TAFA1: variants seen among roughly 807,000 people sequenced by gnomAD.
The protein encoded by TAFA1 is chemokine-like protein TAFA-1.
A neutral mutation model predicts 18.5 loss-of-function variants in TAFA1; 4 were observed. The ratio of observed to expected loss-of-function variants is 0.22; its 90% CI spans 0.11 to 0.49. The LOEUF (loss-of-function observed/expected upper bound fraction) is 0.49, where lower values mean the gene tolerates loss of function less well. Among genes scored for constraint, TAFA1 ranks in the 20% least tolerant of loss-of-function variants. The pLI is 0.98. For synonymous variants in TAFA1, 56 were observed against 55.2 expected (o/e 1.01, Z -0.06); for missense variants, 147 against 169.0 (o/e 0.87, Z 0.72).
intron 2 of TAFA1, among the ~76,000 whole-genome samples, chr3:68,159,770 C>T (rs536589254): frequency 6.6e-6 from 1 of 152,206 alleles, no homozygotes; most frequent in Non-Finnish European, 1.5e-5. Flanking sequence ...CTATTTATGC[C>T]CACGAAGACA....
Position 68,150,386 on chromosome 3 carries a change from C to T in TAFA1, c.118+143642C>T, listed in dbSNP as rs538800678. On this transcript the variant is annotated intron_variant, in intron 2 of 4. Coordinates refer to ENST00000478136, the MANE Select transcript of TAFA1 (RefSeq NM_213609.4). ...TTGAAGAACATGCTCAAATTCCCACCTCAGCCATTGACTTAAATCATTGTT... is the reference window on the plus strand; with the variant it reads ...TTGAAGAACATGCTCAAATTCCCACTTCAGCCATTGACTTAAATCATTGTT... Among the ~76,000 whole-genome samples, 4 of 152,318 alleles carry T rather than the reference C, an allele frequency of 2.6e-5. 1 individual carries two copies. The highest frequency in any genetic ancestry group is 9.6e-5 in the African/African-American group (4 of 41,572).
intron 2 of TAFA1, among the ~76,000 whole-genome samples, chr3:68,097,747 GCAC>G (rs2065102293): frequency 6.6e-6 from 1 of 152,074 alleles, no homozygotes; most frequent in Non-Finnish European, 1.5e-5. Context: ...ATGAGTGTAT[GCAC>G]AATAAAATAG....
chr3:68,531,044 CA>C (rs2073181773), intron 3 of TAFA1, among the ~76,000 whole-genome samples: 1 of 151,752 alleles, frequency 6.6e-6, no homozygotes, highest in Non-Finnish European at 1.5e-5. Flanking sequence ...CAAAACAAAA[CA>C]AAACAAAACA....
rs114413316 is a variant in TAFA1, at chr3:68,219,716, A to G, written c.119-197564A>G. ...ATAATCTTGCTTTTCATTAACTCAA[A>G]GTCAACTGATTAGTAACCTAATCAA... On this transcript the variant is annotated intron_variant, in intron 2 of 4. Transcript: ENST00000478136. Among the ~76,000 whole-genome samples the G allele has an allele frequency of 6.5e-3, 990 of 152,236 alleles. 9 individuals are homozygous for G. Among genetic ancestry groups the G allele is most frequent in the Non-Finnish European group, 7.7e-3 (526 of 68,002 alleles).
intron 2 of TAFA1, among the ~76,000 whole-genome samples, chr3:68,412,430 G>T (rs1009207444): frequency 1.3e-5 from 2 of 151,876 alleles, no homozygotes; most frequent in African/African-American, 2.4e-5. Flanking sequence ...ACAACGTGCA[G>T]GTTTGTTACA....
chr3:68,390,449 C>T (rs887204157), intron 2 of TAFA1, among the ~76,000 whole-genome samples: 2 of 152,208 alleles, frequency 1.3e-5, no homozygotes, highest in African/African-American at 4.8e-5. Flanking sequence ...TTAAACATTC[C>T]TGCCTGCCAG....
intron 3 of TAFA1, among the ~76,000 whole-genome samples, chr3:68,468,646 G>C (rs1270988505): frequency 1.3e-5 from 2 of 152,132 alleles, no homozygotes; most frequent in Non-Finnish European, 2.9e-5. Flanking sequence ...TGAAATGATT[G>C]GACAGAATGA....
At chr3:68,021,437 T>G (rs1478170979) in intron 2 of TAFA1, among the ~76,000 whole-genome samples, 1 of 152,184 alleles carries the variant, frequency 6.6e-6, no homozygotes, top group South Asian at 2.1e-4. Context: ...GGATGTTTTT[T>G]TCTTTTCAAT....
At chr3:68,287,316 A>G (rs181073188) in intron 2 of TAFA1, among the ~76,000 whole-genome samples, 16 of 152,282 alleles carry the variant, frequency 1.1e-4, no homozygotes, top group Admixed American at 5.9e-4. Context: ...CCCTTCGTTC[A>G]TCTCCTGCTG....
chr3:68,148,129 T>A (rs949970231), intron 2 of TAFA1, among the ~76,000 whole-genome samples: 1 of 152,210 alleles, frequency 6.6e-6, no homozygotes, highest in Non-Finnish European at 1.5e-5. Context: ...TTTGTCTAAT[T>A]AATAGCCACA....
intron 3 of TAFA1, among the ~76,000 whole-genome samples, chr3:68,421,525 T>C (rs1040796276): frequency 2.6e-5 from 4 of 152,150 alleles, no homozygotes; most frequent in African/African-American, 2.4e-5. Context: ...CTGGATGGAA[T>C]CGCAGCTGTA....
intron 4 of TAFA1, among the ~76,000 whole-genome samples, chr3:68,543,907 C>T (rs185811558): frequency 4.6e-5 from 7 of 152,192 alleles, no homozygotes; most frequent in African/African-American, 1.2e-4. Flanking sequence ...AACAGTTTCT[C>T]ATCGCTGTGT....
intron 2 of TAFA1, among the ~76,000 whole-genome samples, chr3:68,154,871 T>C (rs1233816889): frequency 6.6e-6 from 1 of 152,108 alleles, no homozygotes; most frequent in East Asian, 1.9e-4. Context: ...GAAGAGAGCA[T>C]AGAAAGGCTT....
chr3:68,362,612 G>A (rs2069489352), intron 2 of TAFA1, among the ~76,000 whole-genome samples: 1 of 152,114 alleles, frequency 6.6e-6, no homozygotes, highest in Non-Finnish European at 1.5e-5. Flanking sequence ...ATAACAGGAG[G>A]TTAGGTTCCT....
intron 2 of TAFA1, among the ~76,000 whole-genome samples, chr3:68,149,615 G>A (rs188653195): frequency 6.6e-6 from 1 of 152,264 alleles, no homozygotes; most frequent in African/African-American, 2.4e-5. Context: ...AATGAATAGA[G>A]CAAGAACTCA....
chr3:68,302,546 T>C (rs969598415), intron 2 of TAFA1, among the ~76,000 whole-genome samples: 1 of 145,766 alleles, frequency 6.9e-6, no homozygotes, highest in African/African-American at 2.5e-5. Context: ...TTAATCTTTC[T>C]TTTTTTTTTT....
At chr3:68,530,043 C>G (rs761084434) in intron 3 of TAFA1, among the ~76,000 whole-genome samples, 1 of 152,126 alleles carries the variant, frequency 6.6e-6, no homozygotes, top group Non-Finnish European at 1.5e-5. Flanking sequence ...ATGCCAGTAA[C>G]CTGTATTGAG....
intron 2 of TAFA1, among the ~76,000 whole-genome samples, chr3:68,095,356 T>A (rs189336956): frequency 1.7e-4 from 26 of 152,302 alleles, no homozygotes; most frequent in African/African-American, 5.8e-4. Context: ...TTTGGAAATA[T>A]TTTTGCAAAG....
At chr3:68,254,143 ATCTATCTATCTATCTG>A (rs764396818) in intron 2 of TAFA1, among the ~76,000 whole-genome samples, 9,126 of 144,012 alleles carry the variant, frequency 0.063, 393 homozygotes, top group African/African-American at 0.11. Context: ...GTATCTATCT[ATCTATCTATCTATCTG>A]TCTATCTATC....
Sources: allele counts gnomAD v4.1 joint callset (sites outside exome capture counted in the v4.1 genomes callset), GRCh38; gene constraint gnomAD v4.1.1; transcripts MANE v1.5; gene names NCBI Gene and HGNC (gene_info 2026-07-23, HGNC 2026-07-21).